Variants in C12orf57 observed in about 807,000 individuals in gnomAD.
C12orf57 encodes chromosome 12 open reading frame 57.
Under a neutral mutation model 11.3 loss-of-function variants are expected in C12orf57, and 14 were observed. That is an observed-to-expected ratio of 1.24 (90% confidence interval 0.82 to 1.94). The LOEUF is 1.94. Among genes scored for constraint, C12orf57 ranks in the 30% most tolerant of loss-of-function variants. C12orf57 has a pLI of 0.00. For synonymous variants in C12orf57, 100 were observed against 74.6 expected (o/e 1.34, Z -1.76); for missense variants, 229 against 172.4 (o/e 1.33, Z -1.84).
upstream of C12orf57, chr12:6,943,983 G>A (rs1454881159): frequency 2.0e-4 from 322 of 1,578,834 alleles, no homozygotes; most frequent in Non-Finnish European, 2.5e-4. Context: ...GAAGGTTTGG[G>A]CCACGCCTGG....
Position 6,945,018 on chromosome 12 carries a change from T to C in C12orf57, c.229+366T>C. The C allele has an allele frequency of 8.4e-6, 4 of 475,010 alleles. No homozygotes were observed. The South Asian group carries it at 2.6e-4, about 31-fold the overall frequency. The allele number at this position is 475,010 out of a possible 1,614,324, so 29.4% of individuals were successfully genotyped here. On this transcript the variant is annotated intron_variant, in intron 2 of 2. Coordinates refer to ENST00000229281, the MANE Select transcript of C12orf57 (RefSeq NM_138425.4). ...GCACCTTATGCACATAGCCTGAGGG[T>C]AATTTTATATAATAGTCTGAATAAT...
chr12:6,944,599 C>A lies in C12orf57; in HGVS notation c.176C>A (p.Thr59Lys). Residue 59 changes from threonine to lysine, a missense_variant, in exon 2 of 3, where the codon ACG becomes AAG. Thr to Lys is a moderately conservative substitution (Grantham distance 78, BLOSUM62 -1). Coordinates refer to ENST00000229281, the MANE Select transcript of C12orf57 (RefSeq NM_138425.4). ...CTGCAATTCGTGCTGCCCGTGGCCACGCAGATCCAGCAGGAGGTTATCAAA... is the reference window on the plus strand; with the variant it reads ...CTGCAATTCGTGCTGCCCGTGGCCAAGCAGATCCAGCAGGAGGTTATCAAA... Reference protein sequence around the residue: ...KMLQFVLPVATQIQQEVIKAY... With the variant: ...KMLQFVLPVAKQIQQEVIKAY... 6.2e-7 allele frequency: 1 copy of A among 1,614,190 alleles called. No homozygotes were observed.
At chr12:6,943,997 C>T (rs782703985), upstream of C12orf57, 87 of 1,590,734 alleles carry the variant, frequency 5.5e-5, no homozygotes, top group Middle Eastern at 5.4e-4. Context: ...CGCCTGGGCG[C>T]TTCCGGCTGC....
chr12:6,945,729 TG>T, intron 2 of C12orf57, 41 bp from the exon 3 acceptor site: 1 of 1,606,538 alleles, frequency 6.2e-7, no homozygotes, highest in Non-Finnish European at 8.5e-7. Flanking sequence ...TTAGGCACGC[TG>T]GTCCTTAGGA....
chr12:6,943,787 T>C (rs781969071), upstream of C12orf57: 279 of 936,468 alleles, frequency 3.0e-4, 1 homozygote, highest in Middle Eastern at 2.8e-3. Context: ...TTCCTTTATA[T>C]CCCATCTTCT....
At chr12:6,943,917 G>T (rs140571456), upstream of C12orf57, 10 of 1,257,082 alleles carry the variant, frequency 8.0e-6, no homozygotes, top group Non-Finnish European at 1.1e-5. Context: ...TGTTTTCACT[G>T]TGCAAAAATT....
At chr12:6,946,003 G>T (rs1294479135), downstream of C12orf57, 3 of 1,501,642 alleles carry the variant, frequency 2.0e-6, no homozygotes, top group South Asian at 2.4e-5. Context: ...CTGTGACTTA[G>T]CCTTGGTGTC....
In C12orf57 at chr12:6,944,550, G is replaced by C; in HGVS notation, c.127G>C (p.Ala43Pro). The C allele has an allele frequency of 6.2e-7, 1 of 1,614,162 alleles. No individual in the cohort carries two copies. Among genetic ancestry groups the C allele is most frequent in the Non-Finnish European group, 8.5e-7 (1 of 1,180,048 alleles). ...AVRMDEARDN[A>P]CNDMGKMLQF... The stretch of plus-strand genomic sequence containing the variant: ...GCGCATGGACGAGGCTCGGGATAAC[G>C]CCTGCAACGACATGGGTAAGATGCT... Residue 43 changes from alanine (A) to proline (P), a missense_variant, in exon 2 of 3, where the codon GCC becomes CCC. Coordinates refer to ENST00000229281, the MANE Select transcript of C12orf57 (RefSeq NM_138425.4).
At chr12:6,945,626 G>A in intron 2 of C12orf57, 145 bp from the exon 3 acceptor site, 1 of 815,204 alleles carries the variant, frequency 1.2e-6, no homozygotes, top group African/African-American at 1.7e-5. Flanking sequence ...CAAACCACAC[G>A]GGACAGAGGC....
upstream of C12orf57, chr12:6,943,866 C>T (rs139594532): frequency 3.8e-3 from 3,550 of 934,242 alleles, 9 homozygotes; most frequent in African/African-American, 0.013. Context: ...TGGCTTTTTA[C>T]CGGAAAGCCC....
At chr12:6,944,747 C>A (rs781856045) in intron 2 of C12orf57, 95 bp downstream of exon 2, 60 of 1,573,430 alleles carry the variant, frequency 3.8e-5, no homozygotes, top group Non-Finnish European at 5.1e-5. Flanking sequence ...CGGTTGTCCC[C>A]TTTCTCGCCA....
upstream of C12orf57, chr12:6,944,019 T>G (rs782601770): frequency 4.4e-6 from 7 of 1,606,218 alleles, no homozygotes; most frequent in South Asian, 2.2e-5. Context: ...CCGGATGCTG[T>G]TTCCTTTCCG....
intron 2 of C12orf57, chr12:6,945,022 T>G (rs1429531674): frequency 2.1e-6 from 1 of 475,642 alleles, no homozygotes; most frequent in Non-Finnish European, 3.5e-6. Context: ...TGAGGGTAAT[T>G]TTATATAATA....
At chr12:6,945,533 G>C (rs1555146395) in intron 2 of C12orf57, among the ~76,000 whole-genome samples, 1 of 152,104 alleles carries the variant, frequency 6.6e-6, no homozygotes, top group Admixed American at 6.6e-5. Flanking sequence ...GTTCACCTGA[G>C]AGCAAGAAGC....
rs1555145852 is a variant in C12orf57, at chr12:6,944,171, A to G, written c.50A>G (p.Lys17Arg). 1 of 1,614,152 alleles carries G rather than the reference A, an allele frequency of 6.2e-7. No homozygotes were observed. The highest frequency in any genetic ancestry group is 8.5e-7 in the Non-Finnish European group (1 of 1,179,976). The part of the protein sequence containing the change: ...QPAALSAEQA[K>R]VVLAEVIQAF... The stretch of plus-strand genomic sequence containing the variant: ...GCGGCCTTGAGCGCTGAGCAAGCAA[A>G]GGGTGAGAATCGTCCTAGTCAAGGC... Residue 17 changes from lysine to arginine, a missense_variant and splice_region_variant, in exon 1 of 3, where the codon AAG (lysine) becomes AGG (arginine). Physicochemically the swap from Lys to Arg is conservative, Grantham distance 26. Coordinates refer to ENST00000229281, the MANE Select transcript of C12orf57 (RefSeq NM_138425.4).
upstream of C12orf57, chr12:6,943,868 G>GA: frequency 2.1e-6 from 2 of 941,890 alleles, no homozygotes; most frequent in East Asian, 3.0e-5. Flanking sequence ...GCTTTTTACC[G>GA]GAAAGCCCCT....
chr12:6,944,774 A>G (rs1306213777), intron 2 of C12orf57, 122 bp downstream of exon 2: 1 of 1,542,744 alleles, frequency 6.5e-7, no homozygotes, highest in Non-Finnish European at 8.8e-7. Flanking sequence ...GGCAGCCACA[A>G]TCTGACTAAC....
In C12orf57 at chr12:6,944,567, T is replaced by C; in HGVS notation, c.144T>C (p.Gly48=). The change falls in exon 2 of 3, where the codon GGT becomes GGC. Residue 48 remains glycine, a synonymous_variant. Coordinates refer to ENST00000229281, the MANE Select transcript of C12orf57 (RefSeq NM_138425.4). The part of the protein sequence containing the change: ...EARDNACNDM[G]KMLQFVLPVA... ...GGGATAACGCCTGCAACGACATGGG[T>C]AAGATGCTGCAATTCGTGCTGCCCG... is the stretch of plus-strand genomic sequence containing the variant. 6.2e-7 allele frequency: 1 copy of C among 1,614,002 alleles called. No individual in the cohort carries two copies.
At chr12:6,943,818 G>C (rs764764350), upstream of C12orf57, 18 of 849,894 alleles carry the variant, frequency 2.1e-5, no homozygotes, top group African/African-American at 1.2e-4. Flanking sequence ...ATACGCAGCA[G>C]TGTTACAGCT....
Sources: allele counts gnomAD v4.1 joint callset (sites outside exome capture counted in the v4.1 genomes callset), GRCh38; gene constraint gnomAD v4.1.1; transcripts MANE v1.5; gene names NCBI Gene and HGNC (gene_info 2026-07-23, HGNC 2026-07-21).